SLC39A14: variants seen among roughly 807,000 people sequenced by gnomAD.
SLC39A14 encodes the protein solute carrier family 39 member 14.
SLC39A14 carries 19 observed loss-of-function variants against 45.5 expected under a neutral mutation model. The observed-to-expected ratio is 0.42, with a 90% CI of 0.29 to 0.61. The LOEUF (loss-of-function observed/expected upper bound fraction) is 0.61. Ranked by LOEUF, SLC39A14 falls within the 20% of genes least tolerant of loss-of-function variation. The probability of loss-of-function intolerance (pLI) is 0.22; values close to 1 mark genes in which losing one functional copy is unlikely to be tolerated. For missense variants in SLC39A14, 447 were observed against 616.5 expected (o/e 0.73, Z 2.91); for synonymous variants, 264 against 251.3 (o/e 1.05, Z -0.48).
At chr8:22,406,942 T>C (rs1261146217) in intron 2 of SLC39A14, among the ~76,000 whole-genome samples, 1 of 152,114 alleles carries the variant, frequency 6.6e-6, no homozygotes, top group East Asian at 1.9e-4. Flanking sequence ...GATAAGCCCA[T>C]GTGAGACCGA....
intron 1 of SLC39A14, among the ~76,000 whole-genome samples, chr8:22,404,295 G>A (rs1169291350): frequency 1.3e-5 from 2 of 151,574 alleles, no homozygotes; most frequent in African/African-American, 2.4e-5. Context: ...GTGTGGTGGC[G>A]GGCCCCTGTA....
Position 22,412,107 on chromosome 8 carries a change from C to T in SLC39A14, c.528C>T (p.Pro176=), listed in dbSNP as rs545556456. The change falls in exon 4 of 9, where the codon CCC becomes CCT. Residue 176 remains proline (P), a synonymous_variant. Coordinates refer to ENST00000381237, the MANE Select transcript of SLC39A14 (RefSeq NM_001128431.4). ...LCSLLGASVV[P]FMKKTFYKRL... The stretch of plus-strand genomic sequence containing the variant: ...CCCTCCTGGGGGCCAGCGTGGTGCC[C>T]TTCATGAAGAAGACCTTTTACAAGA... The T allele has an allele frequency of 6.4e-7, 1 of 1,551,698 alleles. No individual in the cohort carries two copies. The highest frequency in any genetic ancestry group is 1.2e-5 in the South Asian group (1 of 84,064).
chr8:22,423,092 G>A (rs1028800547), downstream of SLC39A14, among the ~76,000 whole-genome samples: 1 of 151,994 alleles, frequency 6.6e-6, no homozygotes, highest in African/African-American at 2.4e-5. Flanking sequence ...CCAAAGTCTT[G>A]GGATTACAGG....
chr8:22,430,618 A>G (rs1035274207), intron 8 of SLC39A14, among the ~76,000 whole-genome samples: 5 of 152,090 alleles, frequency 3.3e-5, no homozygotes, highest in Non-Finnish European at 7.4e-5. Flanking sequence ...TTCTGCAATG[A>G]TGCAAACAAC....
intron 1 of SLC39A14, among the ~76,000 whole-genome samples, chr8:22,376,653 G>C (rs918847292): frequency 7.2e-5 from 11 of 152,096 alleles, no homozygotes; most frequent in African/African-American, 2.7e-4. Context: ...GCCGAGGCAG[G>C]CAAAGGCCGA....
downstream of SLC39A14, among the ~76,000 whole-genome samples, chr8:22,426,849 A>T (rs954499138): frequency 6.6e-6 from 1 of 151,952 alleles, no homozygotes; most frequent in Non-Finnish European, 1.5e-5. Flanking sequence ...ATGCACAGCT[A>T]ATTTTTGTGT....
intron 1 of SLC39A14, among the ~76,000 whole-genome samples, chr8:22,380,404 C>T (rs1833442198): frequency 6.6e-6 from 1 of 152,194 alleles, no homozygotes; most frequent in Non-Finnish European, 1.5e-5. Context: ...CTTGAAGTGT[C>T]AGGCCAGTTC....
At chr8:22,371,024 C>T (rs1484530847) in intron 1 of SLC39A14, among the ~76,000 whole-genome samples, 1 of 152,156 alleles carries the variant, frequency 6.6e-6, no homozygotes, top group Non-Finnish European at 1.5e-5. Context: ...GTTCCCCCCT[C>T]CCCCCACTAC....
intron 8 of SLC39A14, among the ~76,000 whole-genome samples, chr8:22,428,253 C>T (rs1434900880): frequency 5.9e-5 from 9 of 152,078 alleles, no homozygotes; most frequent in South Asian, 2.1e-4. Flanking sequence ...GCTGAAATTG[C>T]GCCATTGCAC....
Position 22,398,636 on chromosome 8 carries a change from A to C in SLC39A14, c.-15-6060A>C, listed in dbSNP as rs1020218607. ...GTTGCCTGTTCTCATATCTATGCCC[A>C]ACCTCTAGACCCAGCGTCACAGAAG... is the stretch of plus-strand genomic sequence containing the variant. On this transcript the variant is annotated intron_variant, in intron 1 of 8. Coordinates refer to ENST00000381237, the MANE Select transcript of SLC39A14 (RefSeq NM_001128431.4). 3.6e-6 allele frequency: 3 copies of C among 827,512 alleles called. No individual in the cohort carries two copies. The African/African-American group carries it at 5.6e-5, about 15-fold the overall frequency. 51.3% of individuals were successfully genotyped at this position (827,512 alleles called of 1,614,324 possible). A position where few individuals can be genotyped will look rare whatever the true frequency, so the allele number is the denominator to read the frequency against.
chr8:22,413,672 G>A (rs1835708504), intron 4 of SLC39A14, among the ~76,000 whole-genome samples: 2 of 152,056 alleles, frequency 1.3e-5, no homozygotes, highest in South Asian at 4.1e-4. Flanking sequence ...TTTATTCAAG[G>A]CCCGTTTCCC....
chr8:22,405,522 CAAAAT>C (rs1270711918), intron 2 of SLC39A14, among the ~76,000 whole-genome samples: 3 of 152,120 alleles, frequency 2.0e-5, no homozygotes, highest in Non-Finnish European at 2.9e-5. Context: ...CAAAACAAAA[CAAAAT>C]AAAAGGCAGC....
chr8:22,423,662 C>T (rs541583743), downstream of SLC39A14, among the ~76,000 whole-genome samples: 27 of 151,964 alleles, frequency 1.8e-4, no homozygotes, highest in South Asian at 1.7e-3. Context: ...GATGGGGTTG[C>T]GCCATGTTGG....
chr8:22,400,743 G>A (rs773849450), intron 1 of SLC39A14, among the ~76,000 whole-genome samples: 7 of 152,186 alleles, frequency 4.6e-5, no homozygotes, highest in Admixed American at 1.3e-4. Context: ...AGCATGTGAT[G>A]TCCCTGGGTG....
At chr8:22,413,676 G>A (rs184979268) in intron 4 of SLC39A14, among the ~76,000 whole-genome samples, 26 of 152,220 alleles carry the variant, frequency 1.7e-4, no homozygotes, top group Admixed American at 1.6e-3. Context: ...TTCAAGGCCC[G>A]TTTCCCATCA....
downstream of SLC39A14, among the ~76,000 whole-genome samples, chr8:22,425,580 G>A (rs1836370319): frequency 6.6e-6 from 1 of 151,362 alleles, no homozygotes; most frequent in Non-Finnish European, 1.5e-5. Context: ...GGTTGGGAGC[G>A]ATCCACAGGT....
At chr8:22,377,981 C>T (rs1833304917) in intron 1 of SLC39A14, among the ~76,000 whole-genome samples, 1 of 152,226 alleles carries the variant, frequency 6.6e-6, no homozygotes, top group Non-Finnish European at 1.5e-5. Context: ...AACAATACTC[C>T]TTTCCCGTTC....
At chr8:22,431,665 G>T (rs1030533720) in intron 8 of SLC39A14, among the ~76,000 whole-genome samples, 1 of 152,162 alleles carries the variant, frequency 6.6e-6, no homozygotes, top group Non-Finnish European at 1.5e-5. Flanking sequence ...AGAAATGATA[G>T]TTAAACATGA....
chr8:22,381,118 C>T (rs911373502), intron 1 of SLC39A14, among the ~76,000 whole-genome samples: 2 of 151,962 alleles, frequency 1.3e-5, no homozygotes, highest in Non-Finnish European at 2.9e-5. Context: ...GGACTACAGG[C>T]GAGTGCCACC....
Sources: allele counts gnomAD v4.1 joint callset (sites outside exome capture counted in the v4.1 genomes callset), GRCh38; gene constraint gnomAD v4.1.1; transcripts MANE v1.5; gene names NCBI Gene and HGNC (gene_info 2026-07-23, HGNC 2026-07-21).